The following LGR4 variants were observed in gnomAD, a reference collection of about 807,000 sequenced individuals.
LGR4 encodes the protein leucine-rich repeat-containing G protein-coupled receptor 4.
Under a neutral mutation model 84.8 loss-of-function variants are expected in LGR4, and 44 were observed. The observed-to-expected ratio is 0.52, with a 90% CI of 0.41 to 0.67. The LOEUF is 0.67. Among genes scored for constraint, LGR4 ranks in the 30% least tolerant of loss-of-function variants. The pLI is 0.00. For missense variants in LGR4, 1,032 were observed against 1,131.4 expected (o/e 0.91, Z 1.26); for synonymous variants, 429 against 434.3 (o/e 0.99, Z 0.15).
At chr11:27,392,254 GT>G (rs150156185) in intron 3 of LGR4, among the ~76,000 whole-genome samples, 192 bp downstream of exon 3, 5,860 of 152,170 alleles carry the variant, frequency 0.039, 159 homozygotes, top group Middle Eastern at 0.071. Flanking sequence ...ATTATTTAGA[GT>G]TTTAACTTTT....
chr11:27,422,956 A>G (rs930568604), intron 1 of LGR4, among the ~76,000 whole-genome samples: 1 of 151,964 alleles, frequency 6.6e-6, no homozygotes, highest in African/African-American at 2.4e-5. Flanking sequence ...TCACTCTGCT[A>G]CTCCTGGGTT....
At position 27,393,949 on chromosome 11, in the gene LGR4, G is replaced by GGGGGGGGGGGGGA. The variant is rs1863336231; in HGVS notation, c.258-1432_258-1431insTCCCCCCCCCCCC. On this transcript the variant is annotated intron_variant, in intron 2 of 17. Transcript: ENST00000379214. ...GATTGCACTGAAGATTGGGGGGGGG[G>GGGGGGGGGGGGGA]GGGGGCGCGGGAAGGGGACAGAAAA... Among the ~76,000 whole-genome samples, 2 of 103,770 alleles carry GGGGGGGGGGGGGA rather than the reference G, an allele frequency of 1.9e-5. 1 individual carries two copies. The highest frequency in any genetic ancestry group is 4.1e-5 in the Non-Finnish European group (2 of 48,918). The allele number at this position is 103,770 out of a possible 152,430, so 68.1% of individuals were successfully genotyped here. A position where few individuals can be genotyped will look rare whatever the true frequency, so the allele number is the denominator to read the frequency against.
rs577148155 is a variant in LGR4 at position 27,394,547 on chromosome 11, C to T, written c.258-2029G>A. 1.1e-3 allele frequency among the ~76,000 whole-genome samples: 170 copies of T among 152,250 alleles called. 1 individual carries two copies. The highest frequency in any genetic ancestry group is 3.8e-3 in the African/African-American group (159 of 41,560). ...CCTCCAGAGTAGCTGGGATTACAAA[C>T]GCCCACCACCACGCCCAGCTAATTT... is the stretch of plus-strand genomic sequence containing the variant. On this transcript the variant is annotated intron_variant, in intron 2 of 17. Coordinates refer to ENST00000379214, the MANE Select transcript of LGR4 (RefSeq NM_018490.5).
At chr11:27,370,683 G>A (rs552560917) in intron 17 of LGR4, among the ~76,000 whole-genome samples, 10 of 152,140 alleles carry the variant, frequency 6.6e-5, no homozygotes, top group Non-Finnish European at 1.0e-4. Flanking sequence ...TTACATTTGG[G>A]GTGGAAGAAA....
intron 1 of LGR4, among the ~76,000 whole-genome samples, chr11:27,424,545 T>A (rs1402923458): frequency 6.6e-6 from 1 of 152,122 alleles, no homozygotes; most frequent in African/African-American, 2.4e-5. Context: ...AGGTAGTCCC[T>A]CTGCTGTCAC....
At chr11:27,461,255 C>T (rs1161658338) in intron 1 of LGR4, among the ~76,000 whole-genome samples, 1 of 151,620 alleles carries the variant, frequency 6.6e-6, no homozygotes, top group African/African-American at 2.4e-5. Flanking sequence ...GTAATCCCAG[C>T]ACTTTCAGAG....
intron 4 of LGR4, 23 bp downstream of exon 4, chr11:27,391,071 C>T (rs1389877568): frequency 1.4e-6 from 2 of 1,466,200 alleles, no homozygotes; most frequent in African/African-American, 1.4e-5. Flanking sequence ...CTTGGTGAGT[C>T]AAGAAACCAA....
chr11:27,403,539 T>C (rs1399656343), intron 2 of LGR4, among the ~76,000 whole-genome samples: 1 of 152,254 alleles, frequency 6.6e-6, no homozygotes, highest in African/African-American at 2.4e-5. Context: ...GATAAAGCAC[T>C]ATGCATTTAT....
rs773307093 is a variant in LGR4 at position 27,368,794 on chromosome 11, T to G, written c.1929A>C (p.Arg643Ser). 2.3e-5 allele frequency: 37 copies of G among 1,614,030 alleles called. 1 individual carries two copies. The South Asian group carries it at 3.7e-4, about 16-fold the overall frequency. Residue 643 changes from arginine to serine, a missense_variant, in exon 18 of 18, where the codon AGA becomes AGC. Physicochemically the swap from Arg to Ser is moderately radical, Grantham distance 110. Coordinates refer to ENST00000379214, the MANE Select transcript of LGR4 (RefSeq NM_018490.5). ...TCATTATATCTTTTGCAGATAAGCT[T>G]CTTTCGACAGTTGCTAGCATTAATA... ...IFLLMLATVE[R>S]SLSAKDIMKN...
chr11:27,448,356 G>C (rs1014413924), intron 1 of LGR4, among the ~76,000 whole-genome samples: 1 of 149,840 alleles, frequency 6.7e-6, no homozygotes, highest in Non-Finnish European at 1.5e-5. Context: ...GCAATGGTGT[G>C]ATCTCAGCTC....
At position 27,376,322 on chromosome 11, in the gene LGR4, T is replaced by C. The variant is rs764047833; in HGVS notation, c.1158A>G (p.Gln386=). ...ACAGAATCCTTAGAGATATCAGGCC[T>C]TGAAAGGTGCCTTCCTTTATTTGGT... ...QIYQIKEGTF[Q]GLISLRILDL... The change falls in exon 13 of 18, where the codon CAA becomes CAG. Residue 386 remains glutamine, a synonymous_variant. Coordinates refer to ENST00000379214, the MANE Select transcript of LGR4 (RefSeq NM_018490.5). 1.7e-5 allele frequency: 27 copies of C among 1,583,848 alleles called. No homozygotes were observed. The highest frequency in any genetic ancestry group is 2.2e-5 in the Non-Finnish European group (26 of 1,158,158).
At chr11:27,468,160 G>A (rs1864814101) in intron 1 of LGR4, among the ~76,000 whole-genome samples, 1 of 152,106 alleles carries the variant, frequency 6.6e-6, no homozygotes, top group Non-Finnish European at 1.5e-5. Context: ...TTTCCAAAAG[G>A]AGATTCTTTA....
intron 2 of LGR4, among the ~76,000 whole-genome samples, chr11:27,411,568 A>G (rs1450087799): frequency 1.3e-5 from 2 of 152,124 alleles, no homozygotes; most frequent in Non-Finnish European, 2.9e-5. Flanking sequence ...CATTTAACAT[A>G]AATGAATTCA....
Position 27,472,242 on chromosome 11 carries a change from G to C in LGR4, c.61C>G (p.Pro21Ala), listed in dbSNP as rs1374134998. 1.5e-6 allele frequency: 2 copies of C among 1,323,934 alleles called. No homozygotes were observed. Among genetic ancestry groups the C allele is most frequent in the African/African-American group, 3.1e-5 (2 of 64,376 alleles). The allele number at this position is 1,323,934 out of a possible 1,614,324, so 82.0% of individuals were successfully genotyped here. Residue 21 changes from proline (P) to alanine (A), a missense_variant, in exon 1 of 18, where the codon CCC becomes GCC. Physicochemically the swap from Pro to Ala is conservative, Grantham distance 27. Transcript: ENST00000379214. Reference protein sequence around the residue: ...LALGLLGSAGPSGAAPPLCAA... With the variant: ...LALGLLGSAGASGAAPPLCAA... ...CAGAGAGGCGGCGCCGCGCCGCTGGGCCCGGCCGAGCCGAGCAGCCCCAGG... is the reference window on the plus strand; with the variant it reads ...CAGAGAGGCGGCGCCGCGCCGCTGGCCCCGGCCGAGCCGAGCAGCCCCAGG...
chr11:27,389,648 C>G (rs1343623944), intron 4 of LGR4, among the ~76,000 whole-genome samples: 1 of 151,984 alleles, frequency 6.6e-6, no homozygotes, highest in Non-Finnish European at 1.5e-5. Context: ...TTAAATCTTA[C>G]AAAATGACAA....
intron 1 of LGR4, among the ~76,000 whole-genome samples, chr11:27,439,399 T>A (rs1565094032): frequency 2.0e-5 from 3 of 152,226 alleles, no homozygotes; most frequent in Admixed American, 6.5e-5. Flanking sequence ...AGGATGGATT[T>A]CCTTCCTTTT....
At chr11:27,409,798 C>T (rs1863676621) in intron 2 of LGR4, among the ~76,000 whole-genome samples, 1 of 152,138 alleles carries the variant, frequency 6.6e-6, no homozygotes, top group Non-Finnish European at 1.5e-5. Flanking sequence ...CTACTACCCT[C>T]ATTTGGTTAA....
At chr11:27,470,207 A>G (rs994289368) in intron 1 of LGR4, among the ~76,000 whole-genome samples, 1 of 152,188 alleles carries the variant, frequency 6.6e-6, no homozygotes, top group Admixed American at 6.5e-5. Flanking sequence ...TCTGTTTCCT[A>G]AGCCATGAAC....
intron 2 of LGR4, among the ~76,000 whole-genome samples, chr11:27,393,821 T>C (rs1362958796): frequency 6.6e-6 from 1 of 151,914 alleles, no homozygotes; most frequent in Non-Finnish European, 1.5e-5. Flanking sequence ...CCTGAAGCTC[T>C]ACTTTTAGAT....
Sources: gnomAD v4.1 joint callset for allele counts (sites outside exome capture counted in the v4.1 genomes callset) on GRCh38, gnomAD v4.1.1 for gene constraint, MANE v1.5 for transcripts, NCBI Gene and HGNC (gene_info 2026-07-23, HGNC 2026-07-21) for gene names.